GRID1: variants seen among roughly 807,000 people sequenced by gnomAD.
GRID1 encodes the protein glutamate receptor ionotropic, delta-1.
In GRID1, 28 loss-of-function variants were observed where a neutral mutation model predicts 98.0. That is an observed-to-expected ratio of 0.29 (90% CI 0.21 to 0.39). The LOEUF is 0.39. GRID1 is among the 10% of genes least tolerant of loss of function. The pLI, the probability that GRID1 is intolerant of heterozygous loss-of-function variation, is 1.00. For synonymous variants in GRID1, 553 were observed against 538.5 expected, an observed-to-expected ratio of 1.03 and a Z score of -0.37; for missense variants, 1,111 against 1,340.5, an observed-to-expected ratio of 0.83 and a Z score of 2.67.
chr10:86,048,081 T>C (rs1362509889), intron 4 of GRID1, among the ~76,000 whole-genome samples: 2 of 152,176 alleles, frequency 1.3e-5, no homozygotes, highest in Non-Finnish European at 2.9e-5. Flanking sequence ...CAAATGAACA[T>C]GTGTTCATTT....
At chr10:85,820,405 A>C (rs1842758916) in intron 8 of GRID1, among the ~76,000 whole-genome samples, 1 of 152,196 alleles carries the variant, frequency 6.6e-6, no homozygotes, top group Non-Finnish European at 1.5e-5. Flanking sequence ...AATAAAGTCC[A>C]TAGTTTACTT....
chr10:86,098,887 C>T (rs1291169339), intron 4 of GRID1, among the ~76,000 whole-genome samples: 1 of 152,204 alleles, frequency 6.6e-6, no homozygotes. Context: ...TCTTTTGTCA[C>T]ACTTCTGCTA....
chr10:85,803,789 G>A (rs1842597938), intron 8 of GRID1, among the ~76,000 whole-genome samples: 1 of 151,900 alleles, frequency 6.6e-6, no homozygotes, highest in African/African-American at 2.4e-5. Context: ...AATCACATCA[G>A]AGTCAATGGG....
chr10:85,721,281 T>C (rs1265473693), intron 12 of GRID1, among the ~76,000 whole-genome samples: 1 of 152,226 alleles, frequency 6.6e-6, no homozygotes, highest in Non-Finnish European at 1.5e-5. Flanking sequence ...GGAAAGCAGT[T>C]TGATACTTTC....
chr10:85,601,159 GC>G lies in GRID1; in HGVS notation c.*1113del, dbSNP rs2132497419. 1 of 152,514 alleles carries G rather than the reference GC, an allele frequency of 6.6e-6. No individual in the cohort carries two copies. Among genetic ancestry groups the G allele is most frequent in the African/African-American group, 2.4e-5 (1 of 41,500 alleles). The allele number at this position is 152,514 out of a possible 1,614,324, so 9.4% of individuals were successfully genotyped here. A position where few individuals can be genotyped will look rare whatever the true frequency, so the allele number is the denominator to read the frequency against. ...GTCTCTTTTCTCTATTTCTCAGCATGCCCCATCACCTGGAGTACTGGTCCAC... is the reference window on the plus strand; with the variant it reads ...GTCTCTTTTCTCTATTTCTCAGCATGCCCATCACCTGGAGTACTGGTCCAC... On this transcript the variant is annotated 3_prime_UTR_variant, in exon 16 of 16. Transcript: ENST00000327946.
intron 14 of GRID1, among the ~76,000 whole-genome samples, chr10:85,616,694 T>A (rs1842793231): frequency 6.6e-6 from 1 of 152,094 alleles, no homozygotes; most frequent in Non-Finnish European, 1.5e-5. Context: ...CTAAAACAAG[T>A]CACGGGTACA....
At chr10:85,973,097 T>C (rs1842428275) in intron 4 of GRID1, among the ~76,000 whole-genome samples, 2 of 152,240 alleles carry the variant, frequency 1.3e-5, no homozygotes, top group Admixed American at 1.3e-4. Flanking sequence ...TGAACCTTAT[T>C]CATTCCGATG....
At chr10:86,094,882 A>G (rs1225915506) in intron 4 of GRID1, among the ~76,000 whole-genome samples, 1 of 152,178 alleles carries the variant, frequency 6.6e-6, no homozygotes, top group African/African-American at 2.4e-5. Flanking sequence ...GAGTCCACAT[A>G]GCCAAAGCAA....
At chr10:86,356,367 A>G (rs1037683395) in intron 2 of GRID1, among the ~76,000 whole-genome samples, 1 of 152,224 alleles carries the variant, frequency 6.6e-6, no homozygotes, top group African/African-American at 2.4e-5. Flanking sequence ...CATGAATGGT[A>G]AAGAGGCAAT....
At chr10:86,134,537 GA>G (rs1844887513) in intron 4 of GRID1, among the ~76,000 whole-genome samples, 2 of 152,276 alleles carry the variant, frequency 1.3e-5, no homozygotes, top group South Asian at 4.2e-4. Context: ...CTAATACCCT[GA>G]AAAGGACCCC....
rs146656216 is a variant in GRID1, at chr10:85,699,666, A to G, written c.1997+23337T>C. 2.4e-4 allele frequency among the ~76,000 whole-genome samples: 36 copies of G among 152,308 alleles called. No homozygotes were observed. In the East Asian group the frequency reaches 6.8e-3, roughly 29 times the overall value. Reference sequence around the variant, plus strand: ...GCTTATAGTAAATTTTCTATTAATAAAGTTTATTTCTTTACATTGAGATAA... The same window carrying G: ...GCTTATAGTAAATTTTCTATTAATAGAGTTTATTTCTTTACATTGAGATAA... On this transcript the variant is annotated intron_variant, in intron 12 of 15. Transcript: ENST00000327946.
intron 13 of GRID1, among the ~76,000 whole-genome samples, chr10:85,636,891 T>C (rs562118153): frequency 1.1e-3 from 173 of 152,324 alleles, no homozygotes; most frequent in Middle Eastern, 6.8e-3. Flanking sequence ...TTTTGAGAAT[T>C]AGACCTACAG....
intron 2 of GRID1, among the ~76,000 whole-genome samples, chr10:86,327,777 G>A (rs569514201): frequency 3.0e-4 from 45 of 152,298 alleles, no homozygotes; most frequent in Non-Finnish European, 5.1e-4. Context: ...TCAAGTGTTG[G>A]CAAGAATGTG....
At chr10:85,768,766 G>C (rs1202656161) in intron 8 of GRID1, among the ~76,000 whole-genome samples, 2 of 152,244 alleles carry the variant, frequency 1.3e-5, no homozygotes, top group African/African-American at 4.8e-5. Flanking sequence ...AAGGAAATTG[G>C]AACCCCAATG....
chr10:86,344,897 C>T (rs1848360659), intron 2 of GRID1, among the ~76,000 whole-genome samples: 1 of 152,212 alleles, frequency 6.6e-6, no homozygotes, highest in African/African-American at 2.4e-5. Flanking sequence ...ACCTGGAATA[C>T]CTGGGAAGGG....
intron 4 of GRID1, among the ~76,000 whole-genome samples, chr10:86,011,055 A>C (rs1345159424): frequency 2.0e-5 from 3 of 152,176 alleles, no homozygotes. Context: ...TTTTGAAAAA[A>C]ACTCACACTG....
Position 85,836,900 on chromosome 10 carries a change from C to T in GRID1, c.1233+17596G>A, listed in dbSNP as rs191411673. 3.5e-4 allele frequency among the ~76,000 whole-genome samples: 54 copies of T among 152,294 alleles called. No homozygotes were observed. In the South Asian group the frequency reaches 4.8e-3, roughly 13 times the overall value. On this transcript the variant is annotated intron_variant, in intron 8 of 15. Transcript: ENST00000327946. ...ATAGCTTCTGCACCAGAGGACCAAG[C>T]CCGACAGGTGGAGAGCTCCAATGAA...
At chr10:85,616,055 T>C (rs1226692010) in intron 14 of GRID1, among the ~76,000 whole-genome samples, 1 of 152,126 alleles carries the variant, frequency 6.6e-6, no homozygotes, top group East Asian at 1.9e-4. Flanking sequence ...AGGGAACACA[T>C]ACAGACCGTT....
rs745323059 is a variant in GRID1 at position 85,647,243 on chromosome 10, C to A, written c.2152G>T (p.Ala718Ser). 2.8e-5 allele frequency: 46 copies of A among 1,614,234 alleles called. No individual in the cohort carries two copies. Among genetic ancestry groups the A allele is most frequent in the Non-Finnish European group, 3.6e-5 (42 of 1,180,036 alleles). The part of the protein sequence containing the change: ...LWRTISKNGG[A>S]DNCVSSPSEG... ...GAAGGACTGGACACGCAGTTGTCAG[C>A]CCCTCCGTTCTTGCTGATGGTCCGC... Residue 718 changes from alanine (A) to serine (S), a missense_variant, in exon 13 of 16, where the codon GCT (alanine) becomes TCT (serine). By Grantham distance (99) the Ala-to-Ser change is moderately conservative. Around this residue, in one of 3 missense-constraint regions of GRID1, gnomAD observed 762 missense variants for 869.1 expected, o/e 0.88. Transcript: ENST00000327946.
Sources: gnomAD v4.1 joint callset for allele counts (sites outside exome capture counted in the v4.1 genomes callset) on GRCh38, gnomAD v4.1.1 for gene constraint, gnomAD v4.1.1 regional missense constraint, MANE v1.5 for transcripts, NCBI Gene and HGNC (gene_info 2026-07-23, HGNC 2026-07-21) for gene names.